ABI2: variants seen among roughly 807,000 people sequenced by gnomAD.
ABI2 encodes the protein abl interactor 2, also known as abelson interactor 2.
A neutral mutation model predicts 59.2 loss-of-function variants in ABI2; 25 were observed. The ratio of observed to expected loss-of-function variants is 0.42; its 90% CI spans 0.31 to 0.59. The LOEUF (loss-of-function observed/expected upper bound fraction) is 0.59. ABI2 is among the 20% of genes least tolerant of loss of function. ABI2 has a pLI of 0.14. For missense variants in ABI2, 545 were observed against 681.8 expected, an observed-to-expected ratio of 0.80 and a Z score of 2.23; for synonymous variants, 213 against 235.5, an observed-to-expected ratio of 0.90 and a Z score of 0.87.
rs1217053117 is a variant in ABI2 at position 203,429,394 on chromosome 2, T to C, written c.*2042T>C. The C allele has an allele frequency of 6.6e-6, 1 of 152,244 alleles. No homozygotes were observed. The highest frequency in any genetic ancestry group is 2.4e-5 in the African/African-American group (1 of 41,464). 9.4% of individuals were successfully genotyped at this position (152,244 alleles called of 1,614,324 possible). Reference sequence around the variant, plus strand: ...GTTTTAAATTAGATGTTCCCATTATTTATTTAAACAGCTTTTTGCTGAGAA... The same window carrying C: ...GTTTTAAATTAGATGTTCCCATTATCTATTTAAACAGCTTTTTGCTGAGAA... On this transcript the variant is annotated 3_prime_UTR_variant, in exon 12 of 12. Transcript: ENST00000261018.
chr2:203,351,846 G>A (rs1440301663), intron 1 of ABI2, among the ~76,000 whole-genome samples: 2 of 152,090 alleles, frequency 1.3e-5, no homozygotes, highest in African/African-American at 4.8e-5. Flanking sequence ...GGTTTTCAGT[G>A]TTTCAGTCTC....
chr2:203,374,689 A>T (rs568925430), intron 2 of ABI2: 1 of 367,596 alleles, frequency 2.7e-6, no homozygotes, highest in Admixed American at 2.6e-5. Flanking sequence ...TTTATGAATG[A>T]TACATAATTT....
chr2:203,419,831 G>C (rs950134211), intron 11 of ABI2, among the ~76,000 whole-genome samples: 8 of 151,950 alleles, frequency 5.3e-5, no homozygotes, highest in Non-Finnish European at 8.8e-5. Context: ...TCTACTAAAA[G>C]TACAAAATTA....
intron 9 of ABI2, among the ~76,000 whole-genome samples, chr2:203,410,394 C>T (rs528250433): frequency 6.6e-6 from 1 of 152,278 alleles, no homozygotes; most frequent in Admixed American, 6.5e-5. Flanking sequence ...GAAACTGTAA[C>T]TGTAGAGTAA....
At chr2:203,421,391 G>A (rs942283222) in intron 11 of ABI2, among the ~76,000 whole-genome samples, 1 of 152,184 alleles carries the variant, frequency 6.6e-6, no homozygotes, top group African/African-American at 2.4e-5. Context: ...CATGTTTGAT[G>A]ATGTATCATC....
chr2:203,373,490 A>G (rs1044406998), intron 2 of ABI2, among the ~76,000 whole-genome samples: 1 of 149,740 alleles, frequency 6.7e-6, no homozygotes, highest in African/African-American at 2.5e-5. Flanking sequence ...CCGTGGGGAG[A>G]GGGAGAGGGA....
chr2:203,408,414 C>T (rs1027118446), intron 9 of ABI2, among the ~76,000 whole-genome samples: 15 of 151,376 alleles, frequency 9.9e-5, no homozygotes, highest in African/African-American at 3.4e-4. Context: ...GCGCCCCCCT[C>T]GGCCTTCCAA....
chr2:203,367,887 C>T (rs963265699), intron 2 of ABI2, among the ~76,000 whole-genome samples: 3 of 151,914 alleles, frequency 2.0e-5, no homozygotes, highest in Admixed American at 1.3e-4. Context: ...GCCTGTTGTC[C>T]CAGCTACTTG....
chr2:203,350,862 T>TTGTGTGTG (rs200198424), intron 1 of ABI2, among the ~76,000 whole-genome samples: 155 of 137,912 alleles, frequency 1.1e-3, no homozygotes, highest in African/African-American at 3.9e-3. Context: ...GTTGTGTGTT[T>TTGTGTGTG]TGTGTGTGTG....
At chr2:203,403,139 T>G (rs2097288762) in intron 9 of ABI2, among the ~76,000 whole-genome samples, 1 of 152,202 alleles carries the variant, frequency 6.6e-6, no homozygotes, top group Non-Finnish European at 1.5e-5. Flanking sequence ...TGAAGCTACT[T>G]TGTGCTAGGG....
At chr2:203,411,145 AG>A in intron 9 of ABI2, 139 bp from the exon 10 acceptor site, 1 of 739,488 alleles carries the variant, frequency 1.4e-6, no homozygotes, top group East Asian at 2.8e-5. Flanking sequence ...GTCCCTCAAC[AG>A]GGGATCCTTG....
chr2:203,394,163 G>A (rs145002198), intron 5 of ABI2, among the ~76,000 whole-genome samples: 7 of 152,284 alleles, frequency 4.6e-5, no homozygotes, highest in East Asian at 3.9e-4. Flanking sequence ...GTGTATTTTT[G>A]TATATAGATA....
intron 1 of ABI2, among the ~76,000 whole-genome samples, chr2:203,359,845 T>TGG (rs34499527): frequency 2.6e-5 from 4 of 151,522 alleles, no homozygotes; most frequent in African/African-American, 7.3e-5. Flanking sequence ...TGTACATTTT[T>TGG]GGGGGGGGGA....
chr2:203,378,113 CTTTTCTTTTT>C (rs2095832712), intron 2 of ABI2, among the ~76,000 whole-genome samples: 1 of 150,174 alleles, frequency 6.7e-6, no homozygotes, highest in Admixed American at 6.6e-5. Flanking sequence ...TTTTTCTTTT[CTTTTCTTTTT>C]TTTTTTTAAG....
intron 4 of ABI2, among the ~76,000 whole-genome samples, chr2:203,387,561 G>A (rs1401896937): frequency 2.0e-5 from 3 of 151,996 alleles, no homozygotes; most frequent in Non-Finnish European, 4.4e-5. Flanking sequence ...TGTCTGGTAG[G>A]GAAAAAGTGG....
At chr2:203,347,726 T>G (rs968690673) in intron 1 of ABI2, among the ~76,000 whole-genome samples, 1 of 152,258 alleles carries the variant, frequency 6.6e-6, no homozygotes, top group Non-Finnish European at 1.5e-5. Context: ...ACATAACTTA[T>G]GACACTTAGG....
At chr2:203,370,298 G>A (rs1349876161) in intron 2 of ABI2, among the ~76,000 whole-genome samples, 1 of 150,674 alleles carries the variant, frequency 6.6e-6, no homozygotes, top group Non-Finnish European at 1.5e-5. Context: ...ATGTTGCCCA[G>A]GGTGGTCTTG....
chr2:203,376,637 C>T (rs925831664), intron 2 of ABI2, among the ~76,000 whole-genome samples: 8 of 151,970 alleles, frequency 5.3e-5, no homozygotes, highest in Admixed American at 2.6e-4. Flanking sequence ...TGCCTTCTCT[C>T]CCTGGAGGCT....
At chr2:203,347,108 CTT>C (rs2084133047) in intron 1 of ABI2, among the ~76,000 whole-genome samples, 3 of 152,086 alleles carry the variant, frequency 2.0e-5, no homozygotes, top group African/African-American at 7.2e-5. Context: ...GCATCAGGTA[CTT>C]TTTTGTTTTG....
Sources: allele counts gnomAD v4.1 joint callset (sites outside exome capture counted in the v4.1 genomes callset), GRCh38; gene constraint gnomAD v4.1.1; transcripts MANE v1.5; gene names NCBI Gene and HGNC (gene_info 2026-07-23, HGNC 2026-07-21).